The following PCDHA2 variants were observed in gnomAD, a reference collection of about 807,000 sequenced individuals.
PCDHA2 encodes the protein protocadherin alpha 2.
A neutral mutation model predicts 66.0 loss-of-function variants in PCDHA2; 58 were observed. That is an observed-to-expected ratio of 0.88 (90% CI 0.71 to 1.09). PCDHA2 has a LOEUF of 1.09. PCDHA2 is among the 50% of genes least tolerant of loss of function. PCDHA2 has a pLI of 0.00. For missense variants in PCDHA2, 1,267 were observed against 1,242.3 expected, an observed-to-expected ratio of 1.02 and a Z score of -0.30; for synonymous variants, 634 against 554.0, an observed-to-expected ratio of 1.14 and a Z score of -2.03.
intron 1 of PCDHA2, chr5:140,824,334 G>A (rs1768090870): frequency 3.1e-6 from 2 of 641,538 alleles, no homozygotes; most frequent in South Asian, 4.4e-5. Context: ...GTGATATTAA[G>A]TGTTTTTAAA....
intron 1 of PCDHA2, among the ~76,000 whole-genome samples, chr5:140,878,476 A>T (rs1037108551): frequency 3.2e-4 from 49 of 152,322 alleles, no homozygotes; most frequent in African/African-American, 1.1e-3. Flanking sequence ...TCATTTCTCA[A>T]TTTAAAAATA....
intron 1 of PCDHA2, chr5:140,857,912 C>A: frequency 1.3e-6 from 2 of 1,597,766 alleles, no homozygotes; most frequent in African/African-American, 1.3e-5. Flanking sequence ...CATCCCGTTT[C>A]GCGTGGGGCT....
chr5:140,985,233 G>C (rs1447323173), intron 3 of PCDHA2, among the ~76,000 whole-genome samples: 4 of 152,084 alleles, frequency 2.6e-5, no homozygotes, highest in Non-Finnish European at 5.9e-5. Flanking sequence ...CACCGCGCCT[G>C]GCCTAATCTT....
At chr5:140,807,254 G>T in intron 1 of PCDHA2, 2 of 1,614,236 alleles carry the variant, frequency 1.2e-6, no homozygotes. Flanking sequence ...TCTCCTCGCA[G>T]CCTGGGAGGC....
intron 1 of PCDHA2, chr5:140,870,851 C>T: frequency 6.2e-7 from 1 of 1,613,838 alleles, no homozygotes; most frequent in Non-Finnish European, 8.5e-7. Context: ...GTACCGCGGT[C>T]GGTGGGTGCG....
chr5:140,883,950 A>G (rs373518493), intron 1 of PCDHA2: 3 of 1,613,288 alleles, frequency 1.9e-6, no homozygotes, highest in South Asian at 1.1e-5. Flanking sequence ...GAGAACGACA[A>G]CGCTCCGGCG....
At chr5:140,875,181 TAA>T (rs1554167538) in intron 1 of PCDHA2, 2 of 448,484 alleles carry the variant, frequency 4.5e-6, no homozygotes, top group East Asian at 4.2e-5. Flanking sequence ...ACATTAGAAT[TAA>T]GAGTGACCCA....
chr5:140,985,346 A>G (rs2097147411), intron 3 of PCDHA2, among the ~76,000 whole-genome samples: 1 of 152,186 alleles, frequency 6.6e-6, no homozygotes, highest in African/African-American at 2.4e-5. Flanking sequence ...GCAGGCCCAG[A>G]TATAGACCCT....
At position 140,849,783 on chromosome 5, in the gene PCDHA2, G is replaced by C. The variant is rs2150449806; in HGVS notation, c.2388+52431G>C. ...CGAGCTGGTGGTTACCGCGCGGGAC[G>C]GGGGCTCGCCTTCACTGTGGGCCAC... On this transcript the variant is annotated intron_variant, in intron 1 of 3. Transcript: ENST00000526136. 832,668 of 1,597,604 alleles carry C rather than the reference G, an allele frequency of 0.52. 253,297 individuals carry two copies. The highest frequency in any genetic ancestry group is 0.62 in the South Asian group (55,951 of 90,512).
At chr5:140,839,740 A>T (rs1357885958) in intron 1 of PCDHA2, among the ~76,000 whole-genome samples, 1 of 152,020 alleles carries the variant, frequency 6.6e-6, no homozygotes, top group Non-Finnish European at 1.5e-5. Flanking sequence ...AAATACCCTT[A>T]TTTGCCTTTC....
chr5:140,822,135 G>A (rs2150113933), intron 1 of PCDHA2: 6 of 1,614,254 alleles, frequency 3.7e-6, no homozygotes, highest in East Asian at 2.2e-5. Context: ...ATGTGGAGGT[G>A]GCAGTGAAGG....
At chr5:140,904,859 T>C (rs1294164011) in intron 1 of PCDHA2, among the ~76,000 whole-genome samples, 8 of 152,242 alleles carry the variant, frequency 5.3e-5, no homozygotes, top group Non-Finnish European at 1.2e-4. Flanking sequence ...GAGAATTGTC[T>C]GTTTATGTCC....
intron 1 of PCDHA2, chr5:140,882,765 CGG>C: frequency 6.2e-7 from 1 of 1,614,222 alleles, no homozygotes; most frequent in Non-Finnish European, 8.5e-7. Flanking sequence ...GGAGTAAACT[CGG>C]CATTGACCTA....
At chr5:140,828,423 A>G (rs2150155185) in intron 1 of PCDHA2, 29 of 1,614,154 alleles carry the variant, frequency 1.8e-5, no homozygotes. Flanking sequence ...GTGATCGTGG[A>G]CAGGCCGCTG....
At chr5:140,999,244 G>A (rs1554256717) in intron 3 of PCDHA2, among the ~76,000 whole-genome samples, 1 of 152,210 alleles carries the variant, frequency 6.6e-6, no homozygotes, top group African/African-American at 2.4e-5. Flanking sequence ...GTTAAAGTGG[G>A]AGTTGGATTA....
intron 1 of PCDHA2, chr5:140,876,546 T>A (rs782795906): frequency 6.2e-7 from 1 of 1,614,218 alleles, no homozygotes; most frequent in Non-Finnish European, 8.5e-7. Context: ...TGTCGCTCCC[T>A]GTGCAAGAGG....
At chr5:140,871,004 G>T in intron 1 of PCDHA2, 1 of 1,613,410 alleles carries the variant, frequency 6.2e-7, no homozygotes, top group Non-Finnish European at 8.5e-7. Context: ...AGCACAACGC[G>T]TGCCCTGGAC....
chr5:140,820,619 A>G (rs1581765490), intron 1 of PCDHA2, among the ~76,000 whole-genome samples: 2 of 152,076 alleles, frequency 1.3e-5, no homozygotes, highest in African/African-American at 4.8e-5. Flanking sequence ...TTCAAATCAT[A>G]CCATCCAGTA....
At chr5:140,918,793 A>G (rs155800) in intron 1 of PCDHA2, among the ~76,000 whole-genome samples, 49,687 of 146,416 alleles carry the variant, frequency 0.34, 8,402 homozygotes, top group East Asian at 0.54. Context: ...GACACAGCAA[A>G]AATGTGACAT....
Sources: allele counts gnomAD v4.1 joint callset (sites outside exome capture counted in the v4.1 genomes callset), GRCh38; gene constraint gnomAD v4.1.1; transcripts MANE v1.5; gene names NCBI Gene and HGNC (gene_info 2026-07-23, HGNC 2026-07-21).